Variants in OR5H15 observed in about 807,000 individuals in gnomAD.
The protein encoded by OR5H15 is olfactory receptor family 5 subfamily H member 15.
For missense variants in OR5H15, 405 were observed against 366.1 expected (o/e 1.11, Z -0.87); for synonymous variants, 153 against 129.1 (o/e 1.19, Z -1.26).
rs762934044 is a variant in OR5H15 at position 98,169,232 on chromosome 3, A to C, written c.533A>C (p.Tyr178Ser). ...AACTCCAACATAGTACATCACATTT[A>C]CTGTGACACTATCCCATTGTCTAAG... ...FCNSNIVHHI[Y>S]CDTIPLSKIS... Residue 178 changes from tyrosine to serine, a missense_variant, in exon 2 of 2, where the codon TAC becomes TCC. Coordinates refer to ENST00000641450, the MANE Select transcript of OR5H15 (RefSeq NM_001005515.2). 2.5e-6 allele frequency: 4 copies of C among 1,611,624 alleles called. No homozygotes were observed. The highest frequency in any genetic ancestry group is 3.4e-6 in the Non-Finnish European group (4 of 1,178,412).
intron 1 of OR5H15, among the ~76,000 whole-genome samples, chr3:98,168,476 A>G (rs1225261440): frequency 6.6e-6 from 1 of 152,096 alleles, no homozygotes; most frequent in Non-Finnish European, 1.5e-5. Context: ...TTTTACCTAA[A>G]TCAGTTAATT....
At position 98,168,616 on chromosome 3, in the gene OR5H15, C is replaced by T. The variant is rs1708753398; in HGVS notation, c.-18-66C>T. 14 of 1,544,416 alleles carry T rather than the reference C, an allele frequency of 9.1e-6. No homozygotes were observed. The South Asian group carries it at 1.3e-4, about 15-fold the overall frequency. On this transcript the variant is annotated intron_variant, in intron 1 of 1. Coordinates refer to ENST00000641450, the MANE Select transcript of OR5H15 (RefSeq NM_001005515.2). ...CATTTTAGGGTTTATTTCAACATCT[C>T]TTCCCCAATTTCAACTCATAATGTC... is the stretch of plus-strand genomic sequence containing the variant.
chr3:98,168,183 C>A (rs931746209), intron 1 of OR5H15, among the ~76,000 whole-genome samples: 2 of 151,908 alleles, frequency 1.3e-5, no homozygotes, highest in African/African-American at 2.4e-5. Context: ...AATTAATATC[C>A]CTGAGTCCAG....
intron 1 of OR5H15, among the ~76,000 whole-genome samples, chr3:98,168,183 C>T (rs931746209): frequency 6.6e-6 from 1 of 151,908 alleles, no homozygotes; most frequent in South Asian, 2.1e-4. Context: ...AATTAATATC[C>T]CTGAGTCCAG....
chr3:98,169,601 T>C lies in OR5H15; in HGVS notation c.902T>C (p.Phe301Ser). The change falls in exon 2 of 2, where the codon TTC becomes TCC. Residue 301 changes from phenylalanine (F) to serine (S), a missense_variant. By Grantham distance (155) the Phe-to-Ser change is radical (BLOSUM62 -2). Coordinates refer to ENST00000641450, the MANE Select transcript of OR5H15 (RefSeq NM_001005515.2). ...SLRNKQVIVSFIKMLKRNVKV... is the reference protein window; with the variant it reads ...SLRNKQVIVSSIKMLKRNVKV... ...AGAAATAAGCAAGTCATAGTTTCAT[T>C]CATAAAAATGTTAAAAAGAAATGTT... The C allele has an allele frequency of 1.2e-6, 2 of 1,603,838 alleles. No homozygotes were observed. The highest frequency in any genetic ancestry group is 4.5e-5 in the East Asian group (2 of 44,714).
Position 98,168,548 on chromosome 3 carries a change from T to A in OR5H15, c.-18-134T>A. 3.2e-6 allele frequency: 3 copies of A among 940,150 alleles called. No homozygotes were observed. The East Asian group carries it at 7.7e-5, about 24-fold the overall frequency. 58.2% of individuals were successfully genotyped at this position (940,150 alleles called of 1,614,324 possible). A position where few individuals can be genotyped will look rare whatever the true frequency, so the allele number is the denominator to read the frequency against. On this transcript the variant is annotated intron_variant, in intron 1 of 1. Transcript: ENST00000641450. ...TTCTTTAATGCATCAAATACACAAT[T>A]CATCAGTTGTAGGACTGATCAAAAA...
intron 1 of OR5H15, among the ~76,000 whole-genome samples, chr3:98,167,961 T>C (rs1339127971): frequency 6.6e-6 from 1 of 152,078 alleles, no homozygotes; most frequent in Non-Finnish European, 1.5e-5. Context: ...TGTTTTACCA[T>C]CTCTTCCAAT....
chr3:98,169,057 T>G lies in OR5H15; in HGVS notation c.358T>G (p.Tyr120Asp). The change falls in exon 2 of 2, where the codon TAT (tyrosine) becomes GAT (aspartate). Residue 120 changes from tyrosine (Y) to aspartate (D), a missense_variant. Coordinates refer to ENST00000641450, the MANE Select transcript of OR5H15 (RefSeq NM_001005515.2). The part of the protein sequence containing the change: ...TECFLLATMA[Y>D]DRYVAICKPL... ...ATGTTTTCTCTTGGCAACAATGGCATATGATCGCTATGTAGCCATATGCAA... is the reference window on the plus strand; with the variant it reads ...ATGTTTTCTCTTGGCAACAATGGCAGATGATCGCTATGTAGCCATATGCAA... 1 of 1,613,704 alleles carries G rather than the reference T, an allele frequency of 6.2e-7. No homozygotes were observed. The highest frequency in any genetic ancestry group is 8.5e-7 in the Non-Finnish European group (1 of 1,179,692).
chr3:98,168,615 T>C lies in OR5H15; in HGVS notation c.-18-67T>C. 4.5e-6 allele frequency: 7 copies of C among 1,543,286 alleles called. No homozygotes were observed. In the South Asian group the frequency reaches 7.3e-5, roughly 16 times the overall value. ...TCATTTTAGGGTTTATTTCAACATCTCTTCCCCAATTTCAACTCATAATGT... is the reference window on the plus strand; with the variant it reads ...TCATTTTAGGGTTTATTTCAACATCCCTTCCCCAATTTCAACTCATAATGT... On this transcript the variant is annotated intron_variant, in intron 1 of 1. Transcript: ENST00000641450.
At chr3:98,168,002 A>G (rs1269716340) in intron 1 of OR5H15, among the ~76,000 whole-genome samples, 1 of 152,076 alleles carries the variant, frequency 6.6e-6, no homozygotes, top group Non-Finnish European at 1.5e-5. Context: ...TACATTTAAC[A>G]TGCATTTGAA....
At position 98,169,500 on chromosome 3, in the gene OR5H15, A is replaced by T. The variant is rs151289674; in HGVS notation, c.801A>T (p.Ala267=). The change falls in exon 2 of 2, where the codon GCA becomes GCT. Residue 267 remains alanine (A), a synonymous_variant. Transcript: ENST00000641450. ...ATGTGGGCCCTGCATCTCCGCAAGC[A>T]GATGGTCAAAATATGGTGGAGCCTC... ...LMYVGPASPQ[A]DGQNMVEPLF... is the part of the protein sequence containing the mutation. The T allele has an allele frequency of 2.5e-6, 4 of 1,613,450 alleles. No homozygotes were observed. The African/African-American group carries it at 5.3e-5, about 22-fold the overall frequency.
intron 1 of OR5H15, among the ~76,000 whole-genome samples, chr3:98,167,759 C>T (rs371982993): frequency 6.6e-6 from 1 of 151,952 alleles, no homozygotes; most frequent in Admixed American, 6.6e-5. Context: ...ATATTATGAT[C>T]GGAAAATACC....
intron 1 of OR5H15, 62 bp from the exon 2 acceptor site, chr3:98,168,620 C>G: frequency 1.3e-6 from 2 of 1,551,596 alleles, no homozygotes; most frequent in East Asian, 4.5e-5. Context: ...ACATCTCTTC[C>G]CCAATTTCAA....
chr3:98,167,384 T>C (rs1559812797), intron 1 of OR5H15, among the ~76,000 whole-genome samples: 1 of 151,688 alleles, frequency 6.6e-6, no homozygotes, highest in Non-Finnish European at 1.5e-5. Context: ...TACTTCTCTC[T>C]CTCTCTCTCT....
chr3:98,168,344 T>C lies in OR5H15; in HGVS notation c.-18-338T>C, dbSNP rs117397619. ...CTTCATATGGCACTCATTTCATTTA[T>C]TTTTAATTCAGACCCTTCAAAATCT... On this transcript the variant is annotated intron_variant, in intron 1 of 1. Transcript: ENST00000641450. Among the ~76,000 whole-genome samples, 14 of 152,192 alleles carry C rather than the reference T, an allele frequency of 9.2e-5. No homozygotes were observed. In the East Asian group the frequency reaches 2.7e-3, roughly 29 times the overall value.
In OR5H15 at chr3:98,168,717, A is replaced by C; in HGVS notation, c.18A>C (p.Ala6=). 1.2e-6 allele frequency: 2 copies of C among 1,612,916 alleles called. No individual in the cohort carries two copies. Among genetic ancestry groups the C allele is most frequent in the South Asian group, 1.1e-5 (1 of 90,950 alleles). The change falls in exon 2 of 2, where the codon GCA becomes GCC. Residue 6 remains alanine (A), a synonymous_variant. Transcript: ENST00000641450. The part of the protein sequence containing the change: MEEEN[A]TLLTEFVLTG... ...GTGAGGACATGGAAGAGGAAAATGC[A>C]ACATTGCTGACAGAGTTTGTTCTCA...
At chr3:98,168,569 A>G in intron 1 of OR5H15, 113 bp from the exon 2 acceptor site, 10 of 1,223,534 alleles carry the variant, frequency 8.2e-6, no homozygotes, top group Non-Finnish European at 1.0e-5. Context: ...AGGACTGATC[A>G]AAAAATTGAG....
chr3:98,168,038 C>T (rs1372188010), intron 1 of OR5H15, among the ~76,000 whole-genome samples: 1 of 152,034 alleles, frequency 6.6e-6, no homozygotes, highest in Admixed American at 6.6e-5. Flanking sequence ...TTTCAAAATG[C>T]AGATCCCTAG....
At chr3:98,167,377 T>TTC (rs66733083) in intron 1 of OR5H15, among the ~76,000 whole-genome samples, 30 of 149,266 alleles carry the variant, frequency 2.0e-4, no homozygotes, top group African/African-American at 4.7e-4. Context: ...GTCCCTGTAC[T>TTC]TCTCTCTCTC....
Sources: allele counts gnomAD v4.1 joint callset (sites outside exome capture counted in the v4.1 genomes callset), GRCh38; gene constraint gnomAD v4.1.1; transcripts MANE v1.5; gene names NCBI Gene and HGNC (gene_info 2026-07-23, HGNC 2026-07-21).